The following ARID4A variants were observed in gnomAD, a reference collection of about 807,000 sequenced individuals.
ARID4A encodes AT-rich interaction domain 4A.
In ARID4A, 39 loss-of-function variants were observed where a neutral mutation model predicts 148.6. The observed-to-expected ratio is 0.26, with a 90% CI of 0.20 to 0.34. ARID4A has a LOEUF of 0.34. Among genes scored for constraint, ARID4A ranks in the 10% least tolerant of loss-of-function variants. The pLI is 1.00. For missense variants in ARID4A, 1,265 were observed against 1,449.1 expected (o/e 0.87, Z 2.06); for synonymous variants, 475 against 481.2 (o/e 0.99, Z 0.17).
intron 11 of ARID4A, among the ~76,000 whole-genome samples, chr14:58,335,759 C>A (rs957348600): frequency 2.6e-5 from 4 of 152,206 alleles, no homozygotes; most frequent in Non-Finnish European, 4.4e-5. Context: ...AAGCCAGATA[C>A]ATAGAAGTCA....
In ARID4A at chr14:58,318,543, G is replaced by T; in HGVS notation, c.276G>T (p.Val92=). The change falls in exon 6 of 24, where the codon GTG becomes GTT. Residue 92 remains valine (V), a splice_region_variant and synonymous_variant. Coordinates refer to ENST00000355431, the MANE Select transcript of ARID4A (RefSeq NM_002892.4). ...TCTGTTATCTTTTGCTTATTATAGT[G>T]TTTGATGATGGTGATGAGCGAACAT... The part of the protein sequence containing the change: ...KLTDASWYTV[V]FDDGDERTLR... The T allele has an allele frequency of 6.2e-7, 1 of 1,614,010 alleles. No individual in the cohort carries two copies. The highest frequency in any genetic ancestry group is 8.5e-7 in the Non-Finnish European group (1 of 1,179,946).
At chr14:58,337,453 T>G (rs1262221774) in intron 11 of ARID4A, among the ~76,000 whole-genome samples, 2 of 151,780 alleles carry the variant, frequency 1.3e-5, no homozygotes, top group African/African-American at 2.4e-5. Context: ...ATATTAAACC[T>G]TCATTAAATG....
chr14:58,357,679 T>C (rs1326457413), intron 17 of ARID4A, among the ~76,000 whole-genome samples: 2 of 149,480 alleles, frequency 1.3e-5, no homozygotes, highest in African/African-American at 4.9e-5. Context: ...CCCAAGACAA[T>C]TCTTCTTCCA....
intron 5 of ARID4A, among the ~76,000 whole-genome samples, chr14:58,312,470 C>G (rs1594875741): frequency 6.6e-6 from 1 of 152,066 alleles, no homozygotes; most frequent in Non-Finnish European, 1.5e-5. Context: ...CCTGCCTCTG[C>G]CTTCCAAAGT....
Position 58,366,232 on chromosome 14 carries a change from TAAG to T in ARID4A, c.3523+6_3523+8del, listed in dbSNP as rs1382255026. The T allele has an allele frequency of 6.2e-7, 1 of 1,608,218 alleles. No homozygotes were observed. Among genetic ancestry groups the T allele is most frequent in the Non-Finnish European group, 8.5e-7 (1 of 1,175,436 alleles). On this transcript the variant is annotated splice_donor_5th_base_variant and intron_variant, in intron 22 of 23. Coordinates refer to ENST00000355431, the MANE Select transcript of ARID4A (RefSeq NM_002892.4). ...CATATAAATGGAGCTTTCAGCTCAG[TAAG>T]AAGCTTATAGAAAACTTGATAGATG...
intron 11 of ARID4A, among the ~76,000 whole-genome samples, chr14:58,340,917 T>A (rs2034088512): frequency 6.6e-6 from 1 of 152,256 alleles, no homozygotes; most frequent in Non-Finnish European, 1.5e-5. Context: ...ACAATTCATT[T>A]GCACAGATAT....
chr14:58,319,943 C>G (rs1233124405), intron 7 of ARID4A, among the ~76,000 whole-genome samples: 2 of 140,176 alleles, frequency 1.4e-5, no homozygotes, highest in African/African-American at 5.2e-5. Context: ...TAATTTTTTT[C>G]TTTTCTTTTT....
intron 9 of ARID4A, among the ~76,000 whole-genome samples, chr14:58,328,807 A>G (rs1428818814): frequency 6.6e-6 from 1 of 152,074 alleles, no homozygotes; most frequent in African/African-American, 2.4e-5. Context: ...ATTCTGGCCA[A>G]CATGGTGAAA....
rs1376799806 is a variant in ARID4A, at chr14:58,351,281, C to T, written c.1613C>T (p.Ser538Phe). 1 of 1,608,840 alleles carries T rather than the reference C, an allele frequency of 6.2e-7. No individual in the cohort carries two copies. The highest frequency in any genetic ancestry group is 1.7e-5 in the Admixed American group (1 of 58,750). Residue 538 changes from serine (S) to phenylalanine (F), a missense_variant, in exon 16 of 24, where the codon TCT becomes TTT. This residue lies in a region of ARID4A where 205 missense variants were observed against 196.9 expected (regional missense o/e 1.04). Coordinates refer to ENST00000355431, the MANE Select transcript of ARID4A (RefSeq NM_002892.4). ...KEKKIKKQED[S>F]DKDSDEEEEK... ...AAGAAAATTAAAAAACAGGAGGATT[C>T]TGACAAAGACTCAGATGAAGAGGAA...
intron 7 of ARID4A, among the ~76,000 whole-genome samples, chr14:58,322,007 G>C (rs1053103505): frequency 1.3e-5 from 2 of 151,572 alleles, no homozygotes; most frequent in Non-Finnish European, 2.9e-5. Flanking sequence ...GTCTCACTCT[G>C]TCACCCAGAC....
At chr14:58,322,335 A>G (rs1037993463) in intron 7 of ARID4A, among the ~76,000 whole-genome samples, 3 of 152,166 alleles carry the variant, frequency 2.0e-5, no homozygotes, top group African/African-American at 7.2e-5. Context: ...TTAATAATTC[A>G]ATACCCAGTA....
chr14:58,304,375 T>C (rs2031439150), intron 3 of ARID4A, among the ~76,000 whole-genome samples: 1 of 152,180 alleles, frequency 6.6e-6, no homozygotes. Context: ...TACCTAGATT[T>C]TGAATTTATT....
chr14:58,347,539 A>T (rs918979853), intron 14 of ARID4A, 108 bp from the exon 15 acceptor site: 28 of 854,856 alleles, frequency 3.3e-5, no homozygotes, highest in African/African-American at 3.5e-5. Flanking sequence ...AGTAACAAAA[A>T]TTTTTTTAAA....
chr14:58,304,992 G>T lies in ARID4A; in HGVS notation c.166G>T (p.Val56Leu). The change falls in exon 4 of 24, where the codon GTA (valine) becomes TTA (leucine). Residue 56 changes from valine (V) to leucine (L), a missense_variant. Physicochemically the swap from Val to Leu is conservative, Grantham distance 32. Coordinates refer to ENST00000355431, the MANE Select transcript of ARID4A (RefSeq NM_002892.4). ...CACACAATTGGTACAAGATGACCAA[G>T]TAAAGGGTCCTTTAAGAGTATGTAT... ...NTTQLVQDDQ[V>L]KGPLRVGAIV... 2 of 1,606,688 alleles carry T rather than the reference G, an allele frequency of 1.2e-6. No individual in the cohort carries two copies. The highest frequency in any genetic ancestry group is 1.7e-6 in the Non-Finnish European group (2 of 1,177,306).
At chr14:58,300,228 T>C (rs1444863890) in intron 2 of ARID4A, among the ~76,000 whole-genome samples, 2 of 152,236 alleles carry the variant, frequency 1.3e-5, no homozygotes, top group African/African-American at 2.4e-5. Flanking sequence ...AATGCGATTT[T>C]CTAAAAGAAA....
At chr14:58,333,056 T>A (rs1450591743) in intron 11 of ARID4A, among the ~76,000 whole-genome samples, 2 of 152,122 alleles carry the variant, frequency 1.3e-5, no homozygotes, top group Non-Finnish European at 2.9e-5. Context: ...TTCCACTTAA[T>A]ATTAATTTGA....
At position 58,298,597 on chromosome 14, in the gene ARID4A, G is replaced by A. The variant is rs549667347; in HGVS notation, c.-161G>A. 3 of 153,080 alleles carry A rather than the reference G, an allele frequency of 2.0e-5. No homozygotes were observed. The highest frequency in any genetic ancestry group is 4.8e-5 in the African/African-American group (2 of 41,578). The allele number at this position is 153,080 out of a possible 1,614,324, so 9.5% of individuals were successfully genotyped here. On this transcript the variant is annotated 5_prime_UTR_variant, in exon 1 of 24. Coordinates refer to ENST00000355431, the MANE Select transcript of ARID4A (RefSeq NM_002892.4). ...GGGGCGAGTGGGGAACCCGGCGCAGGAACTGCAGCCGCGGCTGGGAGTGGT... is the reference window on the plus strand; with the variant it reads ...GGGGCGAGTGGGGAACCCGGCGCAGAAACTGCAGCCGCGGCTGGGAGTGGT...
chr14:58,320,898 C>T (rs998178563), intron 7 of ARID4A, among the ~76,000 whole-genome samples: 3 of 152,176 alleles, frequency 2.0e-5, no homozygotes, highest in Non-Finnish European at 4.4e-5. Context: ...TGAGCCACCA[C>T]GCCCAGCCGA....
chr14:58,304,666 A>G (rs578115303), intron 3 of ARID4A, among the ~76,000 whole-genome samples: 16 of 152,228 alleles, frequency 1.1e-4, no homozygotes, highest in African/African-American at 1.7e-4. Context: ...TTTTTACAGT[A>G]ATCATTAAAG....
Sources: allele counts gnomAD v4.1 joint callset (sites outside exome capture counted in the v4.1 genomes callset), GRCh38; gene constraint gnomAD v4.1.1; regional missense constraint gnomAD v4.1.1; transcripts MANE v1.5; gene names NCBI Gene and HGNC (gene_info 2026-07-23, HGNC 2026-07-21).